The following ARHGAP20 variants were observed in gnomAD, a reference collection of about 807,000 sequenced individuals.
ARHGAP20 encodes rho GTPase-activating protein 20.
A neutral mutation model predicts 73.7 loss-of-function variants in ARHGAP20; 34 were observed. The observed-to-expected ratio is 0.46, with a 90% confidence interval of 0.35 to 0.61. ARHGAP20 has a LOEUF of 0.61. ARHGAP20 is among the 20% of genes least tolerant of loss of function. The pLI, the probability that ARHGAP20 is intolerant of heterozygous loss-of-function variation, is 0.00. For synonymous variants in ARHGAP20, 523 were observed against 518.2 expected, an observed-to-expected ratio of 1.01 and a Z score of -0.13; for missense variants, 1,314 against 1,420.9, an observed-to-expected ratio of 0.92 and a Z score of 1.21.
chr11:110,590,423 A>C (rs1947796991), intron 11 of ARHGAP20, among the ~76,000 whole-genome samples: 1 of 152,178 alleles, frequency 6.6e-6, no homozygotes, highest in Non-Finnish European at 1.5e-5. Flanking sequence ...GTGTAGGATA[A>C]AAATTTAAAA....
chr11:110,681,122 T>C (rs1207221633), intron 2 of ARHGAP20, among the ~76,000 whole-genome samples: 6 of 152,176 alleles, frequency 3.9e-5, no homozygotes, highest in Non-Finnish European at 8.8e-5. Flanking sequence ...TGTCCAAAAC[T>C]GTAGGAATGG....
At chr11:110,707,430 A>G (rs78192627) in intron 1 of ARHGAP20, among the ~76,000 whole-genome samples, 2 of 152,270 alleles carry the variant, frequency 1.3e-5, no homozygotes, top group African/African-American at 4.8e-5. Context: ...ATTTTTAGGA[A>G]TTACTGTACA....
At chr11:110,694,786 T>C (rs1016841313) in intron 1 of ARHGAP20, among the ~76,000 whole-genome samples, 3 of 151,614 alleles carry the variant, frequency 2.0e-5, no homozygotes, top group African/African-American at 7.2e-5. Flanking sequence ...AAGCATATTT[T>C]TGCATTCCCA....
rs745641369 is a variant in ARHGAP20, at chr11:110,608,988, G to A, written c.771C>T (p.Leu257=). The A allele has an allele frequency of 6.2e-7, 1 of 1,612,866 alleles. No individual in the cohort carries two copies. Among genetic ancestry groups the A allele is most frequent in the Non-Finnish European group, 8.5e-7 (1 of 1,179,284 alleles). Reference sequence around the variant, plus strand: ...TAGACTTTTGCAAAAACTTACCAATGAGTGGGTATGGAGCCTCTTCTTTGC... The same window carrying A: ...TAGACTTTTGCAAAAACTTACCAATAAGTGGGTATGGAGCCTCTTCTTTGC... ...NSGKEEAPYP[L]IGHEYPYGIK... is the part of the protein sequence containing the mutation. The change falls in exon 8 of 15, where the codon CTC becomes CTT. Residue 257 remains leucine, a synonymous_variant. Coordinates refer to ENST00000683387, the MANE Select transcript of ARHGAP20 (RefSeq NM_001384657.1).
intron 2 of ARHGAP20, among the ~76,000 whole-genome samples, chr11:110,673,768 T>C (rs1420685674): frequency 2.0e-5 from 3 of 152,186 alleles, no homozygotes; most frequent in Non-Finnish European, 2.9e-5. Context: ...GATATTATAA[T>C]AGTAACAGTT....
intron 9 of ARHGAP20, among the ~76,000 whole-genome samples, chr11:110,596,354 G>A (rs1257766212): frequency 6.7e-6 from 1 of 149,940 alleles, no homozygotes; most frequent in African/African-American, 2.5e-5. Context: ...AGAGTGAACA[G>A]GCAACCTACA....
At chr11:110,621,155 T>G (rs971539784) in intron 4 of ARHGAP20, among the ~76,000 whole-genome samples, 1 of 151,558 alleles carries the variant, frequency 6.6e-6, no homozygotes, top group Admixed American at 6.6e-5. Context: ...TAATTCAAAT[T>G]GTCATTTTCC....
chr11:110,695,149 A>G (rs1016643876), intron 1 of ARHGAP20, among the ~76,000 whole-genome samples: 1 of 151,622 alleles, frequency 6.6e-6, no homozygotes, highest in Non-Finnish European at 1.5e-5. Context: ...ATCCACATAC[A>G]AAAGAATAAA....
At chr11:110,630,922 C>T in intron 2 of ARHGAP20, 130 bp from the exon 3 acceptor site, 5 of 824,922 alleles carry the variant, frequency 6.1e-6, no homozygotes, top group Non-Finnish European at 9.1e-6. Flanking sequence ...ATTCACCACA[C>T]AGTAGTCTTT....
intron 3 of ARHGAP20, among the ~76,000 whole-genome samples, chr11:110,626,089 T>C (rs760293284): frequency 8.7e-4 from 133 of 152,220 alleles, no homozygotes; most frequent in Non-Finnish European, 1.1e-3. Flanking sequence ...ACCCTATTGT[T>C]ATGAATCTTT....
chr11:110,656,702 A>G lies in ARHGAP20; in HGVS notation c.189-25910T>C, dbSNP rs547600235. Among the ~76,000 whole-genome samples, 6 of 152,332 alleles carry G rather than the reference A, an allele frequency of 3.9e-5. No homozygotes were observed. In the South Asian group the frequency reaches 1.2e-3, roughly 32 times the overall value. ...GTGCTTCAGGTGTCTTGCCAAGTCA[A>G]CAAATCAACTTTTGCATGCTCAGCC... On this transcript the variant is annotated intron_variant, in intron 2 of 14. Transcript: ENST00000683387.
intron 2 of ARHGAP20, among the ~76,000 whole-genome samples, chr11:110,658,671 T>C (rs1419169647): frequency 6.6e-6 from 1 of 152,122 alleles, no homozygotes; most frequent in African/African-American, 2.4e-5. Context: ...ATAATGCAAA[T>C]ACAGTGAAAC....
At position 110,591,581 on chromosome 11, in the gene ARHGAP20, C is replaced by T. The variant is rs192033112; in HGVS notation, c.1143+396G>A. ...AAATGCCAGGGAATGTATCTTTATGCGTGAGCACTTGAAATATAAATAAAA... is the reference window on the plus strand; with the variant it reads ...AAATGCCAGGGAATGTATCTTTATGTGTGAGCACTTGAAATATAAATAAAA... On this transcript the variant is annotated intron_variant, in intron 10 of 14. Transcript: ENST00000683387. Among the ~76,000 whole-genome samples the T allele has an allele frequency of 1.8e-4, 28 of 152,280 alleles. 1 individual carries two copies. Among genetic ancestry groups the T allele is most frequent in the East Asian group, 7.7e-4 (4 of 5,186 alleles).
chr11:110,602,572 G>A (rs1454955701), intron 9 of ARHGAP20, among the ~76,000 whole-genome samples: 1 of 152,150 alleles, frequency 6.6e-6, no homozygotes, highest in Non-Finnish European at 1.5e-5. Context: ...AGCCAACCAA[G>A]GAAAGCCATT....
intron 1 of ARHGAP20, among the ~76,000 whole-genome samples, chr11:110,708,764 C>T (rs1478065313): frequency 2.6e-5 from 4 of 152,124 alleles, no homozygotes; most frequent in Admixed American, 1.3e-4. Context: ...CATGAGGAAA[C>T]TTTGGGGGAT....
At chr11:110,691,283 G>A (rs1003234620) in intron 1 of ARHGAP20, among the ~76,000 whole-genome samples, 4 of 152,010 alleles carry the variant, frequency 2.6e-5, no homozygotes, top group Non-Finnish European at 4.4e-5. Flanking sequence ...GAATTATTCA[G>A]ATAATTACTC....
At position 110,624,175 on chromosome 11, in the gene ARHGAP20, C is replaced by T. The variant is rs745362673; in HGVS notation, c.490G>A (p.Val164Met). ...FVLGWPTVNF[V>M]ATFSSPEQKD... ...TGTGGTTCTTACCTGAAAGTGGCCACAAAGTTCACTGTGGGCCAGCCCAAA... is the reference window on the plus strand; with the variant it reads ...TGTGGTTCTTACCTGAAAGTGGCCATAAAGTTCACTGTGGGCCAGCCCAAA... Residue 164 changes from valine (V) to methionine (M), a missense_variant, in exon 4 of 15, where the codon GTG (valine) becomes ATG (methionine). Transcript: ENST00000683387. The T allele has an allele frequency of 6.2e-7, 1 of 1,610,686 alleles. No individual in the cohort carries two copies. Among genetic ancestry groups the T allele is most frequent in the Non-Finnish European group, 8.5e-7 (1 of 1,179,184 alleles).
rs370499403 is a variant in ARHGAP20, at chr11:110,580,111, T to A, written c.2835A>T (p.Pro945=). Residue 945 remains proline, a synonymous_variant, in exon 15 of 15, where the codon CCA becomes CCT. Coordinates refer to ENST00000683387, the MANE Select transcript of ARHGAP20 (RefSeq NM_001384657.1). ...YSSLSSPGTS[P]SGSSVSSQDS... ...CTTGGGAGCTTACTGATGAGCCGGA[T>A]GGGGAAGTGCCTGGGGAGGATAAGC... The A allele has an allele frequency of 6.2e-7, 1 of 1,614,016 alleles. No individual in the cohort carries two copies. The highest frequency in any genetic ancestry group is 8.5e-7 in the Non-Finnish European group (1 of 1,180,020).
At chr11:110,619,636 A>G (rs1464195472) in intron 4 of ARHGAP20, among the ~76,000 whole-genome samples, 1 of 152,048 alleles carries the variant, frequency 6.6e-6, no homozygotes, top group Non-Finnish European at 1.5e-5. Context: ...GATAGAGTAT[A>G]TGCAGTGATA....
Sources: allele counts gnomAD v4.1 joint callset (sites outside exome capture counted in the v4.1 genomes callset), GRCh38; gene constraint gnomAD v4.1.1; transcripts MANE v1.5; gene names NCBI Gene and HGNC (gene_info 2026-07-23, HGNC 2026-07-21).